The following SCLT1 variants were observed in gnomAD, a reference collection of about 807,000 sequenced individuals.
The protein encoded by SCLT1 is sodium channel-associated protein 1.
In SCLT1, 78 loss-of-function variants were observed where a neutral mutation model predicts 112.8. That is an observed-to-expected ratio of 0.69 (90% CI 0.58 to 0.83). The LOEUF is 0.83. Among genes scored for constraint, SCLT1 ranks in the 40% least tolerant of loss-of-function variants. SCLT1 has a pLI of 0.00. For synonymous variants in SCLT1, 257 were observed against 254.7 expected, an observed-to-expected ratio of 1.01 and a Z score of -0.09; for missense variants, 747 against 770.4, an observed-to-expected ratio of 0.97 and a Z score of 0.36.
chr4:128,917,223 C>T (rs1735549522), intron 18 of SCLT1, among the ~76,000 whole-genome samples: 1 of 152,126 alleles, frequency 6.6e-6, no homozygotes, highest in African/African-American at 2.4e-5. Flanking sequence ...TGTGTTTGTC[C>T]AGGGAACTGT....
intron 18 of SCLT1, among the ~76,000 whole-genome samples, chr4:128,912,412 A>G (rs1735171799): frequency 6.6e-6 from 1 of 152,190 alleles, no homozygotes; most frequent in South Asian, 2.1e-4. Context: ...CATTAAAATT[A>G]AAAATAAATT....
At chr4:129,058,851 AATATTT>A (rs1190245307) in intron 2 of SCLT1, among the ~76,000 whole-genome samples, 1 of 152,086 alleles carries the variant, frequency 6.6e-6, no homozygotes, top group African/African-American at 2.4e-5. Context: ...CTTTAGATAA[AATATTT>A]ATAATTGTTA....
chr4:128,878,908 T>C (rs1579268575), intron 3 of SCLT1, among the ~76,000 whole-genome samples: 1 of 149,396 alleles, frequency 6.7e-6, no homozygotes, highest in Non-Finnish European at 1.5e-5. Flanking sequence ...TTTAGGGCTA[T>C]ATACATAATC....
intron 2 of SCLT1, among the ~76,000 whole-genome samples, chr4:129,060,670 A>G (rs970233610): frequency 6.6e-6 from 1 of 152,052 alleles, no homozygotes; most frequent in Non-Finnish European, 1.5e-5. Context: ...ATGGATTGTT[A>G]ATTTTCTTAA....
chr4:128,933,440 G>A (rs1736934180), intron 18 of SCLT1, among the ~76,000 whole-genome samples: 1 of 151,890 alleles, frequency 6.6e-6, no homozygotes, highest in African/African-American at 2.4e-5. Context: ...TCCCCACATG[G>A]GCCAGGGGGA....
intron 2 of SCLT1, among the ~76,000 whole-genome samples, chr4:129,073,988 T>C (rs934894494): frequency 1.3e-5 from 2 of 152,192 alleles, no homozygotes; most frequent in African/African-American, 4.8e-5. Context: ...TCAAGTTAGT[T>C]TGAAATTTCA....
At chr4:128,992,584 T>C (rs1185241410) in intron 8 of SCLT1, among the ~76,000 whole-genome samples, 1 of 151,978 alleles carries the variant, frequency 6.6e-6, no homozygotes, top group Non-Finnish European at 1.5e-5. Context: ...GGAACTGGTA[T>C]ATAAAAAACC....
chr4:128,961,639 T>C (rs1422074061), intron 11 of SCLT1, among the ~76,000 whole-genome samples: 2 of 152,156 alleles, frequency 1.3e-5, no homozygotes, highest in Non-Finnish European at 2.9e-5. Context: ...TGTTTGGTAA[T>C]TTTTGATTAA....
At chr4:129,027,256 A>G (rs1306194237) in intron 5 of SCLT1, among the ~76,000 whole-genome samples, 1 of 152,154 alleles carries the variant, frequency 6.6e-6, no homozygotes, top group Non-Finnish European at 1.5e-5. Context: ...CAAAAAAGAG[A>G]ATTTTAGACC....
intron 2 of SCLT1, among the ~76,000 whole-genome samples, chr4:129,059,087 A>G (rs1009226402): frequency 2.0e-5 from 3 of 152,132 alleles, no homozygotes; most frequent in African/African-American, 7.2e-5. Flanking sequence ...ATCTCATATA[A>G]GAATAGCCAC....
chr4:128,901,481 G>T (rs318532), intron 18 of SCLT1, among the ~76,000 whole-genome samples: 106,477 of 147,070 alleles, frequency 0.72, 38,848 homozygotes, highest in African/African-American at 0.81. Flanking sequence ...TGAGAACACA[G>T]GGACACAGGA....
At position 128,924,501 on chromosome 4, in the gene SCLT1, C is replaced by T. The variant is rs1011026408; in HGVS notation, c.1829+12154G>A. On this transcript the variant is annotated intron_variant, in intron 18 of 20. Coordinates refer to ENST00000281142, the MANE Select transcript of SCLT1 (RefSeq NM_144643.4). ...AGCCAGAGTGGTTTTGAACTCCTAG[C>T]CTCAAGCTGATCTGCCCACCTTGAC... Among the ~76,000 whole-genome samples the T allele has an allele frequency of 5.9e-5, 9 of 152,120 alleles. No homozygotes were observed. The South Asian group carries it at 1.0e-3, about 18-fold the overall frequency.
At chr4:128,916,376 CT>C (rs1181569843) in intron 18 of SCLT1, among the ~76,000 whole-genome samples, 1 of 151,892 alleles carries the variant, frequency 6.6e-6, no homozygotes, top group Non-Finnish European at 1.5e-5. Context: ...TGATTTGTTA[CT>C]TTTTTTTGTT....
intron 18 of SCLT1, among the ~76,000 whole-genome samples, chr4:128,900,134 C>G (rs879435846): frequency 4.6e-5 from 7 of 152,210 alleles, no homozygotes; most frequent in Admixed American, 4.6e-4. Context: ...CCATCCCCAT[C>G]AAGCTACCAA....
In SCLT1 at chr4:128,970,468, C is replaced by T; in HGVS notation, c.687G>A (p.Arg229=). ...CAACTCTCAGCTCTAATTTGGCTTG[C>T]CTAAAAAATAAAGTAAATTAATAAA... ...VIIEQLRKKL[R]QAKLELRVAV... Residue 229 remains arginine (R), a splice_region_variant and synonymous_variant, in exon 10 of 21, where the codon AGG becomes AGA. Coordinates refer to ENST00000281142, the MANE Select transcript of SCLT1 (RefSeq NM_144643.4). 6.4e-7 allele frequency: 1 copy of T among 1,570,638 alleles called. No homozygotes were observed. The highest frequency in any genetic ancestry group is 8.8e-7 in the Non-Finnish European group (1 of 1,142,050).
intron 5 of SCLT1, among the ~76,000 whole-genome samples, chr4:129,034,570 CTATATATA>C (rs71589021): frequency 1.4e-5 from 2 of 143,872 alleles, no homozygotes; most frequent in African/African-American, 5.1e-5. Context: ...TGTTCTAAAG[CTATATATA>C]TATATATATA....
chr4:128,903,373 C>A (rs1200426108), intron 18 of SCLT1, among the ~76,000 whole-genome samples: 2 of 151,988 alleles, frequency 1.3e-5, no homozygotes, highest in Non-Finnish European at 2.9e-5. Flanking sequence ...CCATCGTTGA[C>A]CAAAATGTTA....
intron 2 of SCLT1, among the ~76,000 whole-genome samples, chr4:129,077,623 A>G (rs1751575499): frequency 6.6e-6 from 1 of 152,194 alleles, no homozygotes; most frequent in African/African-American, 2.4e-5. Flanking sequence ...CATCTGGGAA[A>G]CATGGCTAAA....
At chr4:128,898,057 C>A (rs1733934845) in intron 18 of SCLT1, among the ~76,000 whole-genome samples, 1 of 152,120 alleles carries the variant, frequency 6.6e-6, no homozygotes, top group South Asian at 2.1e-4. Flanking sequence ...GACTTAGACT[C>A]CCGCACAATA....
Sources: allele counts gnomAD v4.1 joint callset (sites outside exome capture counted in the v4.1 genomes callset), GRCh38; gene constraint gnomAD v4.1.1; transcripts MANE v1.5; gene names NCBI Gene and HGNC (gene_info 2026-07-23, HGNC 2026-07-21).